Variants in WWC2 observed in about 807,000 individuals in gnomAD.
The protein encoded by WWC2 is protein WWC2.
In WWC2, 101 loss-of-function variants were observed where a neutral mutation model predicts 138.5. The observed-to-expected ratio is 0.73, with a 90% confidence interval of 0.62 to 0.86. The LOEUF is 0.86. WWC2 is among the 40% of genes least tolerant of loss of function. WWC2 has a pLI of 0.00. For missense variants in WWC2, 1,420 were observed against 1,419.4 expected (o/e 1.00, Z -0.01); for synonymous variants, 558 against 538.4 (o/e 1.04, Z -0.50).
At chr4:183,103,963 A>T (rs1743271081) in intron 1 of WWC2, among the ~76,000 whole-genome samples, 1 of 150,760 alleles carries the variant, frequency 6.6e-6, no homozygotes, top group East Asian at 2.0e-4. Context: ...AAGTCTAAGT[A>T]ATTTCTTTTT....
At chr4:183,164,324 TA>T (rs1456911944) in intron 1 of WWC2, among the ~76,000 whole-genome samples, 101 of 1,018 alleles carry the variant, frequency 0.099, 7 homozygotes, top group East Asian at 0.23. Flanking sequence ...TATATACATA[TA>T]TATATATATA....
chr4:183,191,482 T>A (rs1029092151), intron 1 of WWC2, among the ~76,000 whole-genome samples: 13 of 152,104 alleles, frequency 8.5e-5, no homozygotes, highest in Admixed American at 2.6e-4. Context: ...AAAAAATACA[T>A]TAGGAAGCTA....
At chr4:183,154,777 G>A (rs1334782041) in intron 1 of WWC2, among the ~76,000 whole-genome samples, 2 of 152,160 alleles carry the variant, frequency 1.3e-5, no homozygotes, top group East Asian at 1.9e-4. Flanking sequence ...CGCCTAGGAG[G>A]ATAGTAGATA....
At chr4:183,121,362 T>C (rs1732594695) in intron 1 of WWC2, among the ~76,000 whole-genome samples, 1 of 152,138 alleles carries the variant, frequency 6.6e-6, no homozygotes, top group Non-Finnish European at 1.5e-5. Context: ...TTTTTAAATT[T>C]TGGAATATTT....
At chr4:183,187,266 A>T (rs1297422092) in intron 1 of WWC2, among the ~76,000 whole-genome samples, 1 of 152,046 alleles carries the variant, frequency 6.6e-6, no homozygotes, top group African/African-American at 2.4e-5. Flanking sequence ...AAAAAACGGG[A>T]ATAGGGGCTG....
chr4:183,221,396 A>G (rs921397387), intron 4 of WWC2, among the ~76,000 whole-genome samples: 2 of 152,234 alleles, frequency 1.3e-5, no homozygotes, highest in East Asian at 3.8e-4. Flanking sequence ...TCGAAGATGT[A>G]AACAATAACA....
chr4:183,132,679 T>A (rs1014843844), intron 1 of WWC2, among the ~76,000 whole-genome samples: 7 of 152,092 alleles, frequency 4.6e-5, no homozygotes, highest in African/African-American at 1.4e-4. Flanking sequence ...GGTCTCGATC[T>A]CCTGACCTCG....
Position 183,316,033 on chromosome 4 carries a change from G to GT in WWC2, c.*305dup, listed in dbSNP as rs1739425706. On this transcript the variant is annotated 3_prime_UTR_variant, in exon 23 of 23. Transcript: ENST00000403733. Reference sequence around the variant, plus strand: ...ATTTTGTAAAAATGGAATAGAGGCAGTACCCCACATGTGTACTGTTGAGCC... The same window carrying GT: ...ATTTTGTAAAAATGGAATAGAGGCAGTTACCCCACATGTGTACTGTTGAGCC... The GT allele has an allele frequency of 4.4e-6, 1 of 227,238 alleles. No individual in the cohort carries two copies. The highest frequency in any genetic ancestry group is 2.9e-5 in the African/African-American group (1 of 34,926). 14.1% of individuals were successfully genotyped at this position (227,238 alleles called of 1,614,324 possible).
At chr4:183,172,760 A>C (rs1381989331) in intron 1 of WWC2, among the ~76,000 whole-genome samples, 1 of 151,708 alleles carries the variant, frequency 6.6e-6, no homozygotes, top group South Asian at 2.1e-4. Flanking sequence ...AGTTTAGGGA[A>C]ATTTTCTTGC....
intron 2 of WWC2, among the ~76,000 whole-genome samples, chr4:183,194,621 A>G (rs1735083158): frequency 6.6e-6 from 1 of 152,132 alleles, no homozygotes; most frequent in African/African-American, 2.4e-5. Flanking sequence ...GTTTCATTTG[A>G]TACTCACTCA....
intron 21 of WWC2, among the ~76,000 whole-genome samples, chr4:183,296,476 G>A (rs1290405576): frequency 6.6e-6 from 1 of 152,128 alleles, no homozygotes; most frequent in Non-Finnish European, 1.5e-5. Flanking sequence ...GAAACTGTCT[G>A]AAAAAGAGTG....
intron 4 of WWC2, among the ~76,000 whole-genome samples, chr4:183,226,940 T>C (rs764921804): frequency 3.9e-5 from 6 of 152,082 alleles, no homozygotes; most frequent in Admixed American, 1.3e-4. Context: ...AAAGCTGGCT[T>C]TGCCCTGAGG....
intron 20 of WWC2, among the ~76,000 whole-genome samples, chr4:183,288,944 C>G (rs1738342828): frequency 6.6e-6 from 1 of 152,346 alleles, no homozygotes; most frequent in Admixed American, 6.5e-5. Context: ...ATTTATTACA[C>G]TAGGCGGGCT....
At chr4:183,225,068 T>C (rs1736034529) in intron 4 of WWC2, among the ~76,000 whole-genome samples, 3 of 132,016 alleles carry the variant, frequency 2.3e-5, no homozygotes, top group Admixed American at 2.1e-4. Context: ...GTTTTTGACT[T>C]TTTTTTTGCA....
chr4:183,140,785 T>C (rs531350078), intron 1 of WWC2, among the ~76,000 whole-genome samples: 135 of 152,318 alleles, frequency 8.9e-4, no homozygotes, highest in Middle Eastern at 3.4e-3. Context: ...AATTTTATAG[T>C]TTTTATAATA....
chr4:183,144,989 A>G (rs1219109313), intron 1 of WWC2, among the ~76,000 whole-genome samples: 1 of 152,250 alleles, frequency 6.6e-6, no homozygotes, highest in African/African-American at 2.4e-5. Flanking sequence ...AAGGGAGTAT[A>G]GCCGTAGGCG....
chr4:183,270,490 G>A (rs140200045), intron 15 of WWC2, among the ~76,000 whole-genome samples: 286 of 152,244 alleles, frequency 1.9e-3, no homozygotes, highest in African/African-American at 6.8e-3. Flanking sequence ...GAGGCCGGGT[G>A]TGGTGGGTCA....
At chr4:183,280,736 A>G (rs1367623982) in intron 16 of WWC2, 40 bp from the exon 17 acceptor site, 4 of 1,557,772 alleles carry the variant, frequency 2.6e-6, no homozygotes, top group South Asian at 1.2e-5. Context: ...CATTTTTTCA[A>G]GTATATTATG....
intron 21 of WWC2, among the ~76,000 whole-genome samples, chr4:183,297,620 G>T (rs1738679835): frequency 6.6e-6 from 1 of 152,058 alleles, no homozygotes; most frequent in Non-Finnish European, 1.5e-5. Flanking sequence ...GTGTTGGCCA[G>T]GCTGGTCTTG....
Sources: allele counts gnomAD v4.1 joint callset (sites outside exome capture counted in the v4.1 genomes callset), GRCh38; gene constraint gnomAD v4.1.1; transcripts MANE v1.5; gene names NCBI Gene and HGNC (gene_info 2026-07-23, HGNC 2026-07-21).